The following PLEKHA6 variants were observed in gnomAD, a reference collection of about 807,000 sequenced individuals.
PLEKHA6 encodes pleckstrin homology domain-containing family A member 6.
PLEKHA6 carries 60 observed loss-of-function variants against 116.7 expected under a neutral mutation model. The ratio of observed to expected loss-of-function variants is 0.51; its 90% confidence interval spans 0.42 to 0.64. PLEKHA6 has a LOEUF of 0.64. Among genes scored for constraint, PLEKHA6 ranks in the 30% least tolerant of loss-of-function variants. PLEKHA6 has a pLI of 0.00. For missense variants in PLEKHA6, 1,338 were observed against 1,422.7 expected (o/e 0.94, Z 0.96); for synonymous variants, 489 against 556.1 (o/e 0.88, Z 1.70).
At chr1:204,287,084 G>A (rs1413961180) in intron 1 of PLEKHA6, among the ~76,000 whole-genome samples, 1 of 152,130 alleles carries the variant, frequency 6.6e-6, no homozygotes, top group Non-Finnish European at 1.5e-5. Context: ...AGGCTCTCCA[G>A]AGCCCCGAGT....
Position 204,257,897 on chromosome 1 carries a change from G to A in PLEKHA6, c.1008-28C>T, listed in dbSNP as rs1366403760. 7 of 1,577,214 alleles carry A rather than the reference G, an allele frequency of 4.4e-6. No homozygotes were observed. Among genetic ancestry groups the A allele is most frequent in the East Asian group, 4.5e-5 (2 of 44,380 alleles). On this transcript the variant is annotated intron_variant, in intron 8 of 22. Coordinates refer to ENST00000272203, the MANE Select transcript of PLEKHA6 (RefSeq NM_014935.5). The surrounding 1 kb of genome is among the most constrained non-coding windows in gnomAD (Gnocchi z 6.5). ...GAGAGAGAGGGGACATTGTAATGAA[G>A]GCAGACAACACGGGCACCCCTCCAC...
chr1:204,326,776 A>C (rs1258375402), intron 1 of PLEKHA6, among the ~76,000 whole-genome samples: 5 of 152,096 alleles, frequency 3.3e-5, no homozygotes, highest in African/African-American at 1.2e-4. Context: ...CATTCATTCC[A>C]TATATATTTT....
At chr1:204,322,485 G>T (rs538907520) in intron 1 of PLEKHA6, among the ~76,000 whole-genome samples, 1 of 152,334 alleles carries the variant, frequency 6.6e-6, no homozygotes, top group South Asian at 2.1e-4. Context: ...AGCCAGTGGG[G>T]TCGCACAGCA....
intron 9 of PLEKHA6, among the ~76,000 whole-genome samples, chr1:204,255,954 G>A (rs1032698509): frequency 1.3e-5 from 2 of 152,160 alleles, no homozygotes; most frequent in African/African-American, 2.4e-5. Flanking sequence ...TGGGAGAGGT[G>A]AGTGTCATCA....
upstream of PLEKHA6, among the ~76,000 whole-genome samples, chr1:204,364,498 G>A (rs115722959): frequency 0.01 from 1,595 of 152,276 alleles, 9 homozygotes; most frequent in Admixed American, 0.018. Context: ...TGCTAAAAGC[G>A]GGATGATAGA....
upstream of PLEKHA6, among the ~76,000 whole-genome samples, chr1:204,378,148 G>A (rs1055759815): frequency 6.6e-6 from 1 of 152,216 alleles, no homozygotes; most frequent in African/African-American, 2.4e-5. Context: ...AGGTTGCAGT[G>A]CGAGCAGGGG....
intron 9 of PLEKHA6, among the ~76,000 whole-genome samples, chr1:204,252,712 C>T (rs1664726341): frequency 6.6e-6 from 1 of 152,200 alleles, no homozygotes; most frequent in South Asian, 2.1e-4. Context: ...GGCAGCGGCC[C>T]ACATACAGCC....
intron 1 of PLEKHA6, chr1:204,313,641 A>G: frequency 1.0e-6 from 1 of 984,668 alleles, no homozygotes; most frequent in Non-Finnish European, 1.2e-6. Context: ...AAATCATATG[A>G]TTCTCCACCT....
intron 1 of PLEKHA6, among the ~76,000 whole-genome samples, chr1:204,295,682 C>T (rs1670207915): frequency 6.6e-6 from 1 of 152,112 alleles, no homozygotes; most frequent in South Asian, 2.1e-4. Flanking sequence ...CAGGGAAGCG[C>T]TCCTTCCAAA....
chr1:204,257,986 G>C lies in PLEKHA6; in HGVS notation c.1008-117C>G. On this transcript the variant is annotated intron_variant, in intron 8 of 22. Transcript: ENST00000272203. The surrounding 1 kb of genome is among the most constrained non-coding windows in gnomAD (Gnocchi z 6.5). Reference sequence around the variant, plus strand: ...AGGGTGCTTGAATAGGTACACAGGGGCTGAGGTTTATTCCAGAGATGAGGG... The same window carrying C: ...AGGGTGCTTGAATAGGTACACAGGGCCTGAGGTTTATTCCAGAGATGAGGG... 1 of 859,106 alleles carries C rather than the reference G, an allele frequency of 1.2e-6. No individual in the cohort carries two copies. The highest frequency in any genetic ancestry group is 2.5e-5 in the East Asian group (1 of 39,808). The allele number at this position is 859,106 out of a possible 1,614,324, so 53.2% of individuals were successfully genotyped here.
chr1:204,282,631 T>C (rs1438588501), intron 1 of PLEKHA6: 1 of 984,758 alleles, frequency 1.0e-6, no homozygotes, highest in Non-Finnish European at 1.2e-6. Context: ...CAGCCAGTCC[T>C]TAACTGTCTC....
At chr1:204,247,281 C>A in intron 13 of PLEKHA6, 84 bp downstream of exon 13, 1 of 801,766 alleles carries the variant, frequency 1.2e-6, no homozygotes, top group Non-Finnish European at 2.1e-6. Context: ...TTATCAATGG[C>A]CGGAACCTTT....
chr1:204,279,680 G>C (rs553428949), intron 1 of PLEKHA6, among the ~76,000 whole-genome samples: 1 of 152,256 alleles, frequency 6.6e-6, no homozygotes, highest in South Asian at 2.1e-4. Context: ...TCCAGTAGGT[G>C]GTCACTTATC....
chr1:204,318,312 C>T (rs1249148192), intron 1 of PLEKHA6, among the ~76,000 whole-genome samples: 1 of 152,210 alleles, frequency 6.6e-6, no homozygotes, highest in African/African-American at 2.4e-5. Flanking sequence ...ATTTACTCCA[C>T]ATGCAATTCA....
chr1:204,265,228 G>C (rs1405341977), intron 5 of PLEKHA6, among the ~76,000 whole-genome samples, 186 bp from the exon 6 acceptor site: 1 of 152,208 alleles, frequency 6.6e-6, no homozygotes, highest in Non-Finnish European at 1.5e-5. Flanking sequence ...CTGGAGTTAG[G>C]GAGTGTGGTG....
At chr1:204,285,117 G>A (rs903834497) in intron 1 of PLEKHA6, among the ~76,000 whole-genome samples, 2 of 152,132 alleles carry the variant, frequency 1.3e-5, no homozygotes, top group African/African-American at 2.4e-5. Flanking sequence ...GTTACCATAC[G>A]GGACAGAATA....
chr1:204,372,604 A>C (rs1243248375), intron 1 of PLEKHA6, among the ~76,000 whole-genome samples: 1 of 152,208 alleles, frequency 6.6e-6, no homozygotes, highest in East Asian at 1.9e-4. Flanking sequence ...TTAAACTTTT[A>C]TTAAAATGAG....
intron 12 of PLEKHA6, among the ~76,000 whole-genome samples, chr1:204,247,736 T>A (rs962497398): frequency 2.0e-5 from 3 of 152,076 alleles, no homozygotes; most frequent in Admixed American, 6.5e-5. Context: ...TCTCCCCAGA[T>A]CAGCGGATAA....
In PLEKHA6 at chr1:204,238,364, C is replaced by G. The variant is rs1034083268; in HGVS notation, c.2409+3011G>C. ...AGCCCCTAGGATTTTGGAGCAAGGC[C>G]CTGCCATCTTCTGCAGCTAACTACT... On this transcript the variant is annotated intron_variant, in intron 17 of 22. Transcript: ENST00000272203. The surrounding 1 kb of genome is among the most constrained non-coding windows in gnomAD (Gnocchi z 4.2). Among the ~76,000 whole-genome samples the G allele has an allele frequency of 6.6e-6, 1 of 152,110 alleles. No individual in the cohort carries two copies. The highest frequency in any genetic ancestry group is 2.4e-5 in the African/African-American group (1 of 41,408).
Sources: gnomAD v4.1 joint callset for allele counts (sites outside exome capture counted in the v4.1 genomes callset) on GRCh38, gnomAD v4.1.1 for gene constraint, Gnocchi (gnomAD v3.1) non-coding constraint, MANE v1.5 for transcripts, NCBI Gene and HGNC (gene_info 2026-07-23, HGNC 2026-07-21) for gene names.